Variants in DMTN observed in about 807,000 individuals in gnomAD.
DMTN encodes dematin.
Under a neutral mutation model 59.4 loss-of-function variants are expected in DMTN, and 27 were observed. The observed-to-expected ratio is 0.45, with a 90% CI of 0.33 to 0.63. The LOEUF (loss-of-function observed/expected upper bound fraction) is 0.63, where lower values mean the gene tolerates loss of function less well. DMTN is among the 20% of genes least tolerant of loss of function. The pLI is 0.02. For synonymous variants in DMTN, 221 were observed against 203.7 expected, an observed-to-expected ratio of 1.08 and a Z score of -0.72; for missense variants, 451 against 528.9, an observed-to-expected ratio of 0.85 and a Z score of 1.45.
rs1475561703 is a variant in DMTN at position 22,066,814 on chromosome 8, G to A, written c.-62G>A. The stretch of plus-strand genomic sequence containing the variant: ...CCAGCAGCCGCGCCGAGCCTGACAC[G>A]CTGTCCTCTCCCCTCGCGCACAGGG... On this transcript the variant is annotated 5_prime_UTR_variant, in exon 2 of 16. Coordinates refer to ENST00000358242, the MANE Select transcript of DMTN (RefSeq NM_001387751.1). The A allele has an allele frequency of 9.2e-6, 13 of 1,418,892 alleles. No individual in the cohort carries two copies. Among genetic ancestry groups the A allele is most frequent in the Admixed American group, 2.6e-5 (1 of 37,808 alleles). The allele number at this position is 1,418,892 out of a possible 1,614,324, so 87.9% of individuals were successfully genotyped here.
chr8:22,050,306 T>C (rs1424162814), upstream of DMTN, among the ~76,000 whole-genome samples: 1 of 147,624 alleles, frequency 6.8e-6, no homozygotes. Context: ...GGGGGGTGGC[T>C]GGGGAGGAGG....
chr8:22,068,721 C>T (rs540649371), intron 4 of DMTN, among the ~76,000 whole-genome samples: 26 of 148,644 alleles, frequency 1.7e-4, no homozygotes, highest in Non-Finnish European at 2.1e-4. Flanking sequence ...AAGATGAGAG[C>T]GGGAGAGAGG....
chr8:22,075,330 CTTTCTTCTTTTTTCT>C (rs1485769430), intron 10 of DMTN, among the ~76,000 whole-genome samples: 2 of 149,868 alleles, frequency 1.3e-5, no homozygotes, highest in Admixed American at 6.6e-5. Flanking sequence ...TCTTCTTCTT[CTTTCTTCTTTTTTCT>C]TTCTTCTTTC....
At chr8:22,070,043 C>G in intron 7 of DMTN, 106 bp downstream of exon 7, 1 of 1,560,338 alleles carries the variant, frequency 6.4e-7, no homozygotes, top group African/African-American at 1.3e-5. Flanking sequence ...TAGCATGTCA[C>G]AGCAGCACGT....
chr8:22,066,427 G>T, intron 1 of DMTN: 1 of 153,518 alleles, frequency 6.5e-6, no homozygotes, highest in South Asian at 1.9e-4. Context: ...GGCCGGGCCG[G>T]GGCGGGGAGG....
Position 22,057,081 on chromosome 8 carries a change from A to T in DMTN, c.-227A>T, listed in dbSNP as rs1803041960. The T allele has an allele frequency of 6.6e-6, 1 of 152,236 alleles. No individual in the cohort carries two copies. Among genetic ancestry groups the T allele is most frequent in the South Asian group, 2.1e-4 (1 of 4,832 alleles). 9.4% of individuals were successfully genotyped at this position (152,236 alleles called of 1,614,324 possible). A position where few individuals can be genotyped will look rare whatever the true frequency, so the allele number is the denominator to read the frequency against. ...AAGTGACAGCCCGTGGATCTGGCCT[A>T]CGCCTCTCGGGCCTCTGTGGCCTCA... On this transcript the variant is annotated 5_prime_UTR_variant, in exon 1 of 16. Coordinates refer to ENST00000358242, the MANE Select transcript of DMTN (RefSeq NM_001387751.1).
chr8:22,059,680 G>C (rs1804892212), intron 1 of DMTN, among the ~76,000 whole-genome samples: 1 of 152,190 alleles, frequency 6.6e-6, no homozygotes, highest in South Asian at 2.1e-4. Flanking sequence ...TAAATGAGGA[G>C]AATGTCGTTT....
At position 22,082,068 on chromosome 8, in the gene DMTN, A is replaced by T; in HGVS notation, c.*605A>T. On this transcript the variant is annotated 3_prime_UTR_variant, in exon 16 of 16. Transcript: ENST00000358242. ...GCTCCAGCCCTGCGGCTTCCCCAGAAGCCTGGGCTTAGGGTGGAGATGCCG... is the reference window on the plus strand; with the variant it reads ...GCTCCAGCCCTGCGGCTTCCCCAGATGCCTGGGCTTAGGGTGGAGATGCCG... 1 of 456,738 alleles carries T rather than the reference A, an allele frequency of 2.2e-6. No individual in the cohort carries two copies. Among genetic ancestry groups the T allele is most frequent in the South Asian group, 1.5e-5 (1 of 64,560 alleles). The allele number at this position is 456,738 out of a possible 1,614,324, so 28.3% of individuals were successfully genotyped here.
At position 22,070,264 on chromosome 8, in the gene DMTN, C is replaced by G. The variant is rs145064007; in HGVS notation, c.534C>G (p.Pro178=). ...IESSKFPAAQ[P]PDPNQPAKIE... ...CATCCAAGTTTCCTGCAGCCCAGCC[C>G]CCAGACCCCAACCAGCCAGCCAAAA... The change falls in exon 8 of 16, where the codon CCC becomes CCG. Residue 178 remains proline, a synonymous_variant. Transcript: ENST00000358242. 6.2e-7 allele frequency: 1 copy of G among 1,613,512 alleles called. No homozygotes were observed. The highest frequency in any genetic ancestry group is 1.3e-5 in the African/African-American group (1 of 74,890).
rs1820372891 is a variant in DMTN, at chr8:22,077,021, C to T, written c.836-3159C>T. On this transcript the variant is annotated intron_variant, in intron 10 of 15. Transcript: ENST00000358242. ...GAGGCTTGGCCTTTGTAGTGATGCT[C>T]ATCTACATTGTGTGGGCTGTATGTC... Among the ~76,000 whole-genome samples, 3 of 150,364 alleles carry T rather than the reference C, an allele frequency of 2.0e-5. No individual in the cohort carries two copies. The Admixed American group carries it at 2.0e-4, about 10-fold the overall frequency.
intron 10 of DMTN, among the ~76,000 whole-genome samples, chr8:22,078,796 C>CTTTTTTTTT (rs1563533987): frequency 5.8e-5 from 1 of 17,326 alleles, no homozygotes; most frequent in Non-Finnish European, 1.2e-4. Flanking sequence ...TAATGTCAGA[C>CTTTTTTTTT]TGTTTTTTTT....
At chr8:22,052,317 G>A (rs919963953), upstream of DMTN, among the ~76,000 whole-genome samples, 4 of 152,208 alleles carry the variant, frequency 2.6e-5, no homozygotes, top group African/African-American at 9.7e-5. Context: ...ACAGTATGTT[G>A]CACAGGGTAA....
At chr8:22,066,579 T>G in intron 1 of DMTN, 126 bp from the exon 2 acceptor site, 2 of 290,634 alleles carry the variant, frequency 6.9e-6, no homozygotes, top group Non-Finnish European at 1.3e-5. Context: ...CACGCGCGCG[T>G]TCTCCGGGGC....
Position 22,070,348 on chromosome 8 carries a change from G to A in DMTN, c.604+14G>A, listed in dbSNP as rs1211483566. 6.3e-7 allele frequency: 1 copy of A among 1,586,944 alleles called. No individual in the cohort carries two copies. The highest frequency in any genetic ancestry group is 8.6e-7 in the Non-Finnish European group (1 of 1,167,968). ...TGGCTGTTGTGGGTAGGAGAGATGG[G>A]GAGAGTGGAATGGGTGGTCTGGGAA... On this transcript the variant is annotated intron_variant, in intron 8 of 15. Transcript: ENST00000358242.
intron 4 of DMTN, 39 bp downstream of exon 4, chr8:22,067,721 C>A: frequency 2.5e-6 from 4 of 1,605,096 alleles, no homozygotes; most frequent in Non-Finnish European, 3.4e-6. Flanking sequence ...CGGGGGAGGC[C>A]CCCCCCAGCC....
intron 1 of DMTN, among the ~76,000 whole-genome samples, chr8:22,063,252 A>G (rs947230305): frequency 5.9e-5 from 9 of 152,006 alleles, no homozygotes; most frequent in Non-Finnish European, 1.2e-4. Context: ...TTCTGCCTCT[A>G]GGGTTTCTCC....
intron 1 of DMTN, among the ~76,000 whole-genome samples, chr8:22,062,775 T>C (rs916627586): frequency 1.3e-5 from 2 of 151,930 alleles, no homozygotes; most frequent in African/African-American, 4.8e-5. Flanking sequence ...GCTTCCATGA[T>C]GTTCTACTCT....
At chr8:22,069,616 C>G (rs1382778733) in intron 6 of DMTN, 98 bp downstream of exon 6, 2 of 1,126,906 alleles carry the variant, frequency 1.8e-6, no homozygotes, top group East Asian at 5.0e-5. Context: ...GGGGTATATG[C>G]TCGCCTCAGG....
chr8:22,051,567 C>G (rs574874846), upstream of DMTN, among the ~76,000 whole-genome samples: 241 of 152,248 alleles, frequency 1.6e-3, 1 homozygote, highest in Middle Eastern at 0.01. Flanking sequence ...CTGCCCTCAG[C>G]TGTCCTGCCT....
Sources: gnomAD v4.1 joint callset for allele counts (sites outside exome capture counted in the v4.1 genomes callset) on GRCh38, gnomAD v4.1.1 for gene constraint, MANE v1.5 for transcripts, NCBI Gene and HGNC (gene_info 2026-07-23, HGNC 2026-07-21) for gene names.